The following DAB1 variants were observed in gnomAD, a reference collection of about 807,000 sequenced individuals.
DAB1 encodes the protein disabled homolog 1.
In DAB1, 15 loss-of-function variants were observed where a neutral mutation model predicts 64.6. That is an observed-to-expected ratio of 0.23 (90% CI 0.16 to 0.36). The LOEUF is 0.36. Among genes scored for constraint, DAB1 ranks in the 10% least tolerant of loss-of-function variants. DAB1 has a pLI of 1.00. For synonymous variants in DAB1, 235 were observed against 251.9 expected (o/e 0.93, Z 0.64); for missense variants, 596 against 706.7 (o/e 0.84, Z 1.78).
intron 7 of DAB1, among the ~76,000 whole-genome samples, chr1:57,619,108 A>G (rs1370508906): frequency 6.6e-6 from 1 of 152,226 alleles, no homozygotes; most frequent in Non-Finnish European, 1.5e-5. Context: ...AATGGATTCA[A>G]TGGATTTATT....
intron 7 of DAB1, among the ~76,000 whole-genome samples, chr1:57,485,129 T>C (rs1211215599): frequency 6.6e-6 from 1 of 152,218 alleles, no homozygotes; most frequent in Non-Finnish European, 1.5e-5. Context: ...TGTGTGCTAC[T>C]GTATGCCCTG....
At chr1:57,667,107 G>A (rs1230015446) in intron 6 of DAB1, among the ~76,000 whole-genome samples, 1 of 152,096 alleles carries the variant, frequency 6.6e-6, no homozygotes, top group Admixed American at 6.6e-5. Flanking sequence ...CTGCCTTAGA[G>A]TTTTTGCATT....
At chr1:57,212,359 CTTTTTTTTT>C (rs57653531) in intron 2 of DAB1, among the ~76,000 whole-genome samples, 14 of 82,176 alleles carry the variant, frequency 1.7e-4, no homozygotes, top group South Asian at 4.2e-4. Flanking sequence ...ATATTATTTC[CTTTTTTTTT>C]TTTTTTTTTT....
At chr1:58,417,854 C>A (rs947338396) in intron 3 of DAB1, among the ~76,000 whole-genome samples, 1 of 152,192 alleles carries the variant, frequency 6.6e-6, no homozygotes, top group Non-Finnish European at 1.5e-5. Flanking sequence ...AACTGTCCTG[C>A]CACTTTAAGC....
intron 3 of DAB1, among the ~76,000 whole-genome samples, chr1:58,412,027 C>T (rs371737148): frequency 1.3e-5 from 2 of 152,122 alleles, no homozygotes; most frequent in African/African-American, 4.8e-5. Context: ...CTATGTTGCA[C>T]AAAGAATAAC....
chr1:57,577,630 G>A (rs187036550), intron 7 of DAB1, among the ~76,000 whole-genome samples: 4 of 152,260 alleles, frequency 2.6e-5, no homozygotes, highest in African/African-American at 9.6e-5. Flanking sequence ...AGAACCAACT[G>A]AAGCCAAATG....
intron 7 of DAB1, among the ~76,000 whole-genome samples, chr1:57,497,595 A>C (rs1644245026): frequency 6.6e-6 from 1 of 152,224 alleles, no homozygotes; most frequent in African/African-American, 2.4e-5. Flanking sequence ...GATTCTGAGA[A>C]GATTCTTCTG....
At chr1:57,180,857 T>A (rs1662847423) in intron 2 of DAB1, among the ~76,000 whole-genome samples, 1 of 152,164 alleles carries the variant, frequency 6.6e-6, no homozygotes, top group Admixed American at 6.6e-5. Flanking sequence ...TCTACCCCAG[T>A]CTCCTGTAGA....
intron 1 of DAB1, among the ~76,000 whole-genome samples, chr1:57,826,693 T>C (rs564574507): frequency 1.2e-4 from 18 of 152,282 alleles, no homozygotes; most frequent in Middle Eastern, 3.4e-3. Flanking sequence ...TAATCAAGCA[T>C]TCTGCAGCCA....
intron 4 of DAB1, among the ~76,000 whole-genome samples, chr1:58,178,629 A>C (rs1010507966): frequency 1.3e-5 from 2 of 152,228 alleles, no homozygotes; most frequent in Admixed American, 1.3e-4. Context: ...CTGATGTTTT[A>C]TAGTCAGAGA....
intron 1 of DAB1, among the ~76,000 whole-genome samples, chr1:57,316,708 A>C (rs1301806302): frequency 6.6e-6 from 1 of 152,240 alleles, no homozygotes; most frequent in Non-Finnish European, 1.5e-5. Flanking sequence ...AGTGAGAACC[A>C]TTTAGGCCAA....
In DAB1 at chr1:57,015,192, T is replaced by C. The variant is rs759777698; in HGVS notation, c.1135A>G (p.Met379Val). 2 of 1,613,956 alleles carry C rather than the reference T, an allele frequency of 1.2e-6. No homozygotes were observed. Among genetic ancestry groups the C allele is most frequent in the African/African-American group, 2.7e-5 (2 of 74,924 alleles). The part of the protein sequence containing the change: ...TQTVMPLPAA[M>V]FQGPLTPLAT... The stretch of plus-strand genomic sequence containing the variant: ...AGGGGGGTGAGGGGACCTTGGAACA[T>C]GGCAGCTGGCAAAGGCATAACAGTT... Residue 379 changes from methionine (M) to valine (V), a missense_variant, in exon 12 of 15, where the codon ATG (methionine) becomes GTG (valine). This residue lies in a region of DAB1 where 377 missense variants were observed against 400.4 expected (regional missense o/e 0.94). Transcript: ENST00000371236.
chr1:57,972,986 C>T (rs1406628524), intron 5 of DAB1, among the ~76,000 whole-genome samples: 3 of 152,190 alleles, frequency 2.0e-5, no homozygotes, highest in African/African-American at 7.2e-5. Flanking sequence ...AAGTCCTGAT[C>T]GCTGGAGCCT....
intron 3 of DAB1, among the ~76,000 whole-genome samples, chr1:58,384,895 A>G (rs1644420679): frequency 6.6e-6 from 1 of 152,240 alleles, no homozygotes; most frequent in African/African-American, 2.4e-5. Context: ...CCTAACTGGC[A>G]GCTGATTAGA....
chr1:57,293,410 A>T (rs1006309850), intron 1 of DAB1, among the ~76,000 whole-genome samples: 5 of 152,174 alleles, frequency 3.3e-5, no homozygotes, highest in African/African-American at 1.2e-4. Flanking sequence ...TCTTTGCCTC[A>T]GTTTCTTCAT....
chr1:57,464,762 G>A (rs1468651042), intron 7 of DAB1, among the ~76,000 whole-genome samples: 1 of 152,160 alleles, frequency 6.6e-6, no homozygotes, highest in Non-Finnish European at 1.5e-5. Context: ...CAGTCGATTG[G>A]TGAATTGCAC....
chr1:57,562,427 T>C (rs1322986190), intron 7 of DAB1, among the ~76,000 whole-genome samples: 1 of 152,186 alleles, frequency 6.6e-6, no homozygotes, highest in African/African-American at 2.4e-5. Flanking sequence ...TCATGGAATT[T>C]ACAATTCACT....
chr1:57,117,477 C>T (rs1176537907), intron 4 of DAB1, among the ~76,000 whole-genome samples: 1 of 152,202 alleles, frequency 6.6e-6, no homozygotes, highest in African/African-American at 2.4e-5. Flanking sequence ...AGCTATGGAG[C>T]CCTCCTATGA....
chr1:57,517,093 C>T (rs1471165913), intron 7 of DAB1, among the ~76,000 whole-genome samples: 1 of 152,140 alleles, frequency 6.6e-6, no homozygotes, highest in African/African-American at 2.4e-5. Flanking sequence ...AAATCTCTAG[C>T]ACAGGGTCAG....
Sources: allele counts gnomAD v4.1 joint callset (sites outside exome capture counted in the v4.1 genomes callset), GRCh38; gene constraint gnomAD v4.1.1; regional missense constraint gnomAD v4.1.1; transcripts MANE v1.5; gene names NCBI Gene and HGNC (gene_info 2026-07-23, HGNC 2026-07-21).